The following RAPGEF2 variants were observed in gnomAD, a reference collection of about 807,000 sequenced individuals.
RAPGEF2 encodes PDZ domain containing guanine nucleotide exchange factor (GEF) 1.
Under a neutral mutation model 186.7 loss-of-function variants are expected in RAPGEF2, and 54 were observed. The observed-to-expected ratio is 0.29, with a 90% confidence interval of 0.23 to 0.36. The LOEUF is 0.36. RAPGEF2 is among the 10% of genes least tolerant of loss of function. The pLI, the probability that RAPGEF2 is intolerant of heterozygous loss-of-function variation, is 1.00. For missense variants in RAPGEF2, 1,532 were observed against 2,045.0 expected (o/e 0.75, Z 4.84); for synonymous variants, 712 against 705.9 (o/e 1.01, Z -0.14).
intron 1 of RAPGEF2, among the ~76,000 whole-genome samples, chr4:159,178,138 G>T (rs1223859699): frequency 3.9e-5 from 6 of 152,048 alleles, no homozygotes; most frequent in African/African-American, 4.8e-5. Flanking sequence ...TAAATATGTA[G>T]GTTCATATAT....
chr4:159,131,632 G>A (rs539692727), intron 1 of RAPGEF2, among the ~76,000 whole-genome samples: 1 of 146,368 alleles, frequency 6.8e-6, no homozygotes, highest in Non-Finnish European at 1.5e-5. Context: ...GCTAAGTGCA[G>A]TTAAAGTTCT....
chr4:159,245,470 T>TG (rs1754522215), intron 7 of RAPGEF2, among the ~76,000 whole-genome samples: 1 of 151,996 alleles, frequency 6.6e-6, no homozygotes. Flanking sequence ...GCTGGAAGAT[T>TG]TGGGGTCTGT....
At chr4:159,157,775 C>G (rs545528081) in intron 1 of RAPGEF2, among the ~76,000 whole-genome samples, 60 of 152,270 alleles carry the variant, frequency 3.9e-4, no homozygotes, top group African/African-American at 1.4e-3. Flanking sequence ...AAAAACACTC[C>G]CAACATATCT....
At chr4:159,294,177 C>T in intron 7 of RAPGEF2, among the ~76,000 whole-genome samples, 1 of 152,126 alleles carries the variant, frequency 6.6e-6, no homozygotes, top group East Asian at 1.9e-4. Context: ...GTAAGGCCTC[C>T]TTCCCAAACC....
chr4:159,113,336 A>T (rs968812812), intron 1 of RAPGEF2, among the ~76,000 whole-genome samples: 6 of 152,236 alleles, frequency 3.9e-5, no homozygotes. Flanking sequence ...TTTTTTAAAT[A>T]ACCTTTTTTA....
chr4:159,232,144 T>A (rs2111440686), intron 4 of RAPGEF2, among the ~76,000 whole-genome samples: 1 of 152,316 alleles, frequency 6.6e-6, no homozygotes, highest in African/African-American at 2.4e-5. Flanking sequence ...TCATTTTAAC[T>A]AGTTTTAAAT....
At chr4:159,317,549 T>C (rs1161094939) in intron 9 of RAPGEF2, among the ~76,000 whole-genome samples, 1 of 152,224 alleles carries the variant, frequency 6.6e-6, no homozygotes, top group Non-Finnish European at 1.5e-5. Flanking sequence ...AGGTTTGTAC[T>C]TTTCCTGTTT....
intron 1 of RAPGEF2, among the ~76,000 whole-genome samples, chr4:159,139,780 T>TA (rs976523467): frequency 6.6e-6 from 1 of 152,190 alleles, no homozygotes; most frequent in African/African-American, 2.4e-5. Flanking sequence ...TTGTCAAGCA[T>TA]AAACAACTTT....
In RAPGEF2 at chr4:159,350,200, G is replaced by A. The variant is rs752284340; in HGVS notation, c.3776G>A (p.Arg1259His). ...LSLSEEGSLE[R>H]HKKQAEDTIS... ...TTGTCTGAAGAAGGAAGTTTGGAAC[G>A]TCACAAGAAACAGGCTGAAGATACA... Residue 1259 changes from arginine to histidine, a missense_variant, in exon 26 of 30, where the codon CGT becomes CAT. Coordinates refer to ENST00000691494, the MANE Select transcript of RAPGEF2 (RefSeq NM_001394067.2). 2.4e-5 allele frequency: 38 copies of A among 1,591,198 alleles called. No homozygotes were observed. Among genetic ancestry groups the A allele is most frequent in the Non-Finnish European group, 2.7e-5 (32 of 1,168,310 alleles).
intron 4 of RAPGEF2, among the ~76,000 whole-genome samples, chr4:159,214,978 T>C (rs1381347809): frequency 6.6e-6 from 1 of 152,198 alleles, no homozygotes; most frequent in Non-Finnish European, 1.5e-5. Flanking sequence ...TTATTGTGCC[T>C]CGGCCTCCCA....
At chr4:159,150,075 A>G (rs1388240051) in intron 1 of RAPGEF2, among the ~76,000 whole-genome samples, 1 of 152,124 alleles carries the variant, frequency 6.6e-6, no homozygotes, top group Non-Finnish European at 1.5e-5. Context: ...AGTAATTTAT[A>G]TTGTTATTAG....
At chr4:159,230,760 T>C (rs1752543673) in intron 4 of RAPGEF2, among the ~76,000 whole-genome samples, 1 of 152,172 alleles carries the variant, frequency 6.6e-6, no homozygotes, top group Non-Finnish European at 1.5e-5. Context: ...AGCCTGGTCA[T>C]TGAGAATTCA....
intron 1 of RAPGEF2, among the ~76,000 whole-genome samples, chr4:159,171,947 A>G (rs1393039105): frequency 1.3e-5 from 2 of 152,128 alleles, no homozygotes; most frequent in Non-Finnish European, 2.9e-5. Context: ...TAGGCAACTT[A>G]AAACATTTCT....
chr4:159,139,327 A>G (rs967580776), intron 1 of RAPGEF2, among the ~76,000 whole-genome samples: 9 of 152,232 alleles, frequency 5.9e-5, no homozygotes, highest in African/African-American at 1.7e-4. Context: ...GACAGACTCC[A>G]TTAAGTGTTT....
intron 25 of RAPGEF2, among the ~76,000 whole-genome samples, chr4:159,349,644 T>G (rs937849349): frequency 3.9e-5 from 6 of 152,252 alleles, no homozygotes; most frequent in Non-Finnish European, 8.8e-5. Context: ...CTTTCCTAGT[T>G]AGCTCCTCTT....
intron 7 of RAPGEF2, among the ~76,000 whole-genome samples, chr4:159,247,685 A>G (rs1429277945): frequency 6.6e-6 from 1 of 151,996 alleles, no homozygotes; most frequent in African/African-American, 2.4e-5. Context: ...GAACATGGCA[A>G]CTGGAGTAAG....
intron 4 of RAPGEF2, among the ~76,000 whole-genome samples, chr4:159,235,513 T>C (rs1579549395): frequency 6.6e-6 from 1 of 152,256 alleles, no homozygotes; most frequent in East Asian, 1.9e-4. Flanking sequence ...CTTACTGTTC[T>C]GGTTTTCTGT....
At chr4:159,347,123 C>G in intron 25 of RAPGEF2, 125 bp downstream of exon 25, 4 of 899,884 alleles carry the variant, frequency 4.4e-6, no homozygotes, top group South Asian at 1.8e-5. Flanking sequence ...ATTATTAGCT[C>G]CTAATAAAAC....
intron 1 of RAPGEF2, among the ~76,000 whole-genome samples, chr4:159,125,962 AAGTATAACTTTGT>A (rs1740255671): frequency 6.6e-6 from 1 of 152,148 alleles, no homozygotes; most frequent in South Asian, 2.1e-4. Context: ...CAGTGATGTT[AAGTATAACTTTGT>A]AGAAAAATGC....
Sources: gnomAD v4.1 joint callset for allele counts (sites outside exome capture counted in the v4.1 genomes callset) on GRCh38, gnomAD v4.1.1 for gene constraint, MANE v1.5 for transcripts, NCBI Gene and HGNC (gene_info 2026-07-23, HGNC 2026-07-21) for gene names.